STX3: variants seen among roughly 807,000 people sequenced by gnomAD.
STX3 encodes the protein syntaxin-3.
Under a neutral mutation model 40.2 loss-of-function variants are expected in STX3, and 19 were observed. The observed-to-expected ratio is 0.47, with a 90% CI of 0.33 to 0.69. The LOEUF (loss-of-function observed/expected upper bound fraction) is 0.69. Among genes scored for constraint, STX3 ranks in the 30% least tolerant of loss-of-function variants. The probability of loss-of-function intolerance (pLI) is 0.02; values close to 1 mark genes in which losing one functional copy is unlikely to be tolerated. For synonymous variants in STX3, 122 were observed against 132.2 expected (o/e 0.92, Z 0.53); for missense variants, 364 against 366.7 (o/e 0.99, Z 0.06).
intron 4 of STX3, among the ~76,000 whole-genome samples, chr11:59,789,854 C>T (rs1865008138): frequency 6.6e-6 from 1 of 152,116 alleles, no homozygotes; most frequent in South Asian, 2.1e-4. Flanking sequence ...TACCCTCACT[C>T]CCCCCATTTG....
intron 10 of STX3, among the ~76,000 whole-genome samples, chr11:59,799,370 C>G (rs2135045932): frequency 6.6e-6 from 1 of 152,278 alleles, no homozygotes; most frequent in Non-Finnish European, 1.5e-5. Flanking sequence ...GTTTTGTACC[C>G]AGTTAGAAAA....
chr11:59,795,334 G>A, intron 8 of STX3, 38 bp from the exon 9 acceptor site: 1 of 1,555,346 alleles, frequency 6.4e-7, no homozygotes, highest in South Asian at 1.1e-5. Context: ...ACTGACCTGA[G>A]ACGTTTACTT....
intron 1 of STX3, among the ~76,000 whole-genome samples, chr11:59,762,260 A>C (rs913829932): frequency 6.6e-6 from 1 of 152,226 alleles, no homozygotes; most frequent in Non-Finnish European, 1.5e-5. Flanking sequence ...GCAGCCGTTA[A>C]GAGGCAACAC....
intron 2 of STX3, chr11:59,781,431 T>A: frequency 6.2e-7 from 1 of 1,611,122 alleles, no homozygotes; most frequent in Non-Finnish European, 8.5e-7. Flanking sequence ...CCACTCCTGA[T>A]GCTGAACCAA....
chr11:59,797,449 A>G, intron 10 of STX3, 53 bp downstream of exon 10: 1 of 1,343,612 alleles, frequency 7.4e-7, no homozygotes, highest in African/African-American at 1.5e-5. Context: ...TCAAGAGGAA[A>G]TTAGCTTGGG....
At chr11:59,757,193 G>T (rs1386078566) in intron 1 of STX3, among the ~76,000 whole-genome samples, 1 of 152,110 alleles carries the variant, frequency 6.6e-6, no homozygotes, top group Admixed American at 6.5e-5. Context: ...GAGCCGGCCA[G>T]GGCACCACCA....
chr11:59,800,730 GT>G, intron 10 of STX3, 124 bp from the exon 11 acceptor site: 1 of 1,502,012 alleles, frequency 6.7e-7, no homozygotes. Context: ...TCTGTCCTGG[GT>G]TTGTCTATTT....
chr11:59,785,395 G>T (rs1379816213), intron 2 of STX3, among the ~76,000 whole-genome samples: 1 of 152,108 alleles, frequency 6.6e-6, no homozygotes, highest in Non-Finnish European at 1.5e-5. Context: ...GCAGTGGCAT[G>T]ATCATGGCTC....
intron 2 of STX3, among the ~76,000 whole-genome samples, chr11:59,776,756 G>C (rs561957674): frequency 3.4e-4 from 52 of 152,308 alleles, no homozygotes; most frequent in African/African-American, 1.2e-3. Context: ...AGATTCCATT[G>C]TATCTTCTCT....
At chr11:59,770,095 A>G (rs1353046695) in intron 1 of STX3, among the ~76,000 whole-genome samples, 1 of 137,620 alleles carries the variant, frequency 7.3e-6, no homozygotes, top group Non-Finnish European at 1.6e-5. Flanking sequence ...GTGTTTGTGT[A>G]TGTGGAATGG....
chr11:59,759,839 T>C (rs1012998698), intron 1 of STX3, among the ~76,000 whole-genome samples: 3 of 152,244 alleles, frequency 2.0e-5, no homozygotes, highest in African/African-American at 7.2e-5. Flanking sequence ...ATCAGCAACA[T>C]GGAGCTGTGT....
intron 2 of STX3, among the ~76,000 whole-genome samples, chr11:59,779,386 A>C (rs1305158530): frequency 6.6e-6 from 1 of 152,184 alleles, no homozygotes; most frequent in Non-Finnish European, 1.5e-5. Flanking sequence ...TTATAAGTGC[A>C]CAAAACACAG....
rs747080556 is a variant in STX3, at chr11:59,797,370, T to C, written c.*4T>C. 8.7e-6 allele frequency: 14 copies of C among 1,614,014 alleles called. No homozygotes were observed. The highest frequency in any genetic ancestry group is 1.1e-5 in the Non-Finnish European group (13 of 1,180,012). On this transcript the variant is annotated 3_prime_UTR_variant, in exon 10 of 11. Transcript: ENST00000337979. ...ACTTTCCGTTGGGCTGAATTAAGAGTGGCCTAAGAGGCTGCTGCACTGAAA... is the reference window on the plus strand; with the variant it reads ...ACTTTCCGTTGGGCTGAATTAAGAGCGGCCTAAGAGGCTGCTGCACTGAAA...
Position 59,800,094 on chromosome 11 carries a change from G to A in STX3, c.*31-761G>A, listed in dbSNP as rs913671540. ...AGAGGAGCAGACTAATTAATATGTT[G>A]TTTTTGGTTGACTAACCCTATCTTT... is the stretch of plus-strand genomic sequence containing the variant. On this transcript the variant is annotated intron_variant, in intron 10 of 10. Coordinates refer to ENST00000337979, the MANE Select transcript of STX3 (RefSeq NM_004177.5). The A allele has an allele frequency of 5.1e-6, 5 of 985,280 alleles. No homozygotes were observed. In the African/African-American group the frequency reaches 5.2e-5, roughly 10 times the overall value. The allele number at this position is 985,280 out of a possible 1,614,324, so 61.0% of individuals were successfully genotyped here.
upstream of STX3, chr11:59,754,354 G>A (rs1013033908): frequency 2.0e-5 from 3 of 152,258 alleles, no homozygotes; most frequent in Admixed American, 2.0e-4. Context: ...AGTACTGCTA[G>A]AATTACAAAG....
intron 2 of STX3, among the ~76,000 whole-genome samples, chr11:59,781,991 G>A (rs1370771543): frequency 6.6e-6 from 1 of 152,190 alleles, no homozygotes; most frequent in African/African-American, 2.4e-5. Flanking sequence ...GTACCTGGGA[G>A]TTTAGGAGAG....
At position 59,781,612 on chromosome 11, in the gene STX3, C is replaced by T. The variant is rs545897282; in HGVS notation, c.115-5425C>T. ...ATGATACAATCTGGCTTGGCCATTG[C>T]GCCCATTTTTCGCAAAGCTATTCCC... On this transcript the variant is annotated intron_variant, in intron 2 of 10. Transcript: ENST00000337979. The T allele has an allele frequency of 3.6e-5, 58 of 1,613,564 alleles. 2 individuals carry two copies. The Middle Eastern group carries it at 1.0e-3, about 28-fold the overall frequency.
At chr11:59,785,591 A>C (rs1864703232) in intron 2 of STX3, among the ~76,000 whole-genome samples, 1 of 152,092 alleles carries the variant, frequency 6.6e-6, no homozygotes. Flanking sequence ...TCGGCCTCTC[A>C]AAGTGCTGGG....
In STX3 at chr11:59,804,389, G is replaced by C. The variant is rs1866003591; in HGVS notation, c.*3565G>C. On this transcript the variant is annotated 3_prime_UTR_variant, in exon 11 of 11. Transcript: ENST00000337979. ...GTCCCCACTTTTTAGCACAGCGCCT[G>C]CTGCTTACAGGTACTCAAATATCTG... 6.6e-6 allele frequency: 1 copy of C among 152,194 alleles called. No homozygotes were observed. The highest frequency in any genetic ancestry group is 1.9e-4 in the East Asian group (1 of 5,194). 9.4% of individuals were successfully genotyped at this position (152,194 alleles called of 1,614,324 possible).
Sources: allele counts gnomAD v4.1 joint callset (sites outside exome capture counted in the v4.1 genomes callset), GRCh38; gene constraint gnomAD v4.1.1; transcripts MANE v1.5; gene names NCBI Gene and HGNC (gene_info 2026-07-23, HGNC 2026-07-21).